The following SRPK1 variants were observed in gnomAD, a reference collection of about 807,000 sequenced individuals.
SRPK1 encodes SRSF protein kinase 1.
In SRPK1, 52 loss-of-function variants were observed where a neutral mutation model predicts 89.5. The ratio of observed to expected loss-of-function variants is 0.58; its 90% CI spans 0.46 to 0.73. The LOEUF is 0.73. Among genes scored for constraint, SRPK1 ranks in the 30% least tolerant of loss-of-function variants. SRPK1 has a pLI of 0.00. For synonymous variants in SRPK1, 255 were observed against 270.2 expected, an observed-to-expected ratio of 0.94 and a Z score of 0.55; for missense variants, 603 against 780.6, an observed-to-expected ratio of 0.77 and a Z score of 2.71.
chr6:35,861,377 C>T (rs575879299), intron 12 of SRPK1, among the ~76,000 whole-genome samples: 2 of 152,338 alleles, frequency 1.3e-5, no homozygotes, highest in South Asian at 2.1e-4. Context: ...AAACAGGGAA[C>T]CCACAGAGAA....
intron 6 of SRPK1, among the ~76,000 whole-genome samples, chr6:35,874,685 T>C (rs1770116506): frequency 6.6e-6 from 1 of 152,196 alleles, no homozygotes; most frequent in South Asian, 2.1e-4. Context: ...TTCAGGTAAA[T>C]TAGTTTCTTC....
rs1470363195 is a variant in SRPK1 at position 35,916,015 on chromosome 6, C to T, written c.74+4453G>A. 3.7e-4 allele frequency among the ~76,000 whole-genome samples: 34 copies of T among 92,200 alleles called. 1 individual carries two copies. Among genetic ancestry groups the T allele is most frequent in the East Asian group, 1.0e-3 (3 of 3,010 alleles). 60.5% of individuals were successfully genotyped at this position (92,200 alleles called of 152,430 possible). ...AAATATATACACACACACACACACA[C>T]ACACACACACACACACACACACACA... On this transcript the variant is annotated intron_variant, in intron 2 of 15. Transcript: ENST00000373825.
At chr6:35,891,078 T>C (rs1390883347) in intron 2 of SRPK1, 65 bp from the exon 3 acceptor site, 12 of 1,489,782 alleles carry the variant, frequency 8.1e-6, no homozygotes, top group Non-Finnish European at 9.8e-6. Flanking sequence ...TATCAAATGC[T>C]GCCCTCCCCA....
At chr6:35,843,264 A>G (rs9470130) in intron 13 of SRPK1, among the ~76,000 whole-genome samples, 47,518 of 150,548 alleles carry the variant, frequency 0.32, 7,694 homozygotes, top group South Asian at 0.42. Context: ...CACCACGCCC[A>G]GCCCAGGTCT....
intron 6 of SRPK1, among the ~76,000 whole-genome samples, chr6:35,881,448 T>C (rs1223127754): frequency 2.3e-5 from 2 of 88,544 alleles, no homozygotes; most frequent in African/African-American, 3.3e-5. Context: ...GATATAGATA[T>C]AGATATAGAT....
At chr6:35,920,849 C>T (rs1771221636) in intron 1 of SRPK1, 195 bp downstream of exon 1, 1 of 537,776 alleles carries the variant, frequency 1.9e-6, no homozygotes, top group South Asian at 3.0e-5. Flanking sequence ...CTACGGCCGG[C>T]GCCAGAGGAC....
At position 35,861,080 on chromosome 6, in the gene SRPK1, G is replaced by A. The variant is rs116130841; in HGVS notation, c.1513-3712C>T. On this transcript the variant is annotated intron_variant, in intron 12 of 15. Coordinates refer to ENST00000373825, the MANE Select transcript of SRPK1 (RefSeq NM_003137.5). ...ATTTAAAATGGCTGACTAGACACAGGTAGTATGTGCCTCATCCACAGAAAG... is the reference window on the plus strand; with the variant it reads ...ATTTAAAATGGCTGACTAGACACAGATAGTATGTGCCTCATCCACAGAAAG... Among the ~76,000 whole-genome samples, 1,064 of 152,250 alleles carry A rather than the reference G, an allele frequency of 7.0e-3. 10 individuals carry two copies. Among genetic ancestry groups the A allele is most frequent in the African/African-American group, 0.02 (832 of 41,544 alleles).
intron 2 of SRPK1, among the ~76,000 whole-genome samples, chr6:35,908,899 T>C (rs1227985679): frequency 2.6e-5 from 4 of 152,232 alleles, no homozygotes; most frequent in African/African-American, 9.6e-5. Flanking sequence ...GTGTTGGGCC[T>C]GCAGGTGCAC....
intron 5 of SRPK1, among the ~76,000 whole-genome samples, chr6:35,887,481 G>A (rs74370827): frequency 0.033 from 4,982 of 152,178 alleles, 98 homozygotes; most frequent in Middle Eastern, 0.065. Flanking sequence ...GGGTAAAGGC[G>A]ACCTAAACCC....
Position 35,860,800 on chromosome 6 carries a change from G to A in SRPK1, c.1513-3432C>T, listed in dbSNP as rs149593691. Among the ~76,000 whole-genome samples, 1,226 of 152,292 alleles carry A rather than the reference G, an allele frequency of 8.1e-3. 17 individuals carry two copies. The highest frequency in any genetic ancestry group is 0.028 in the African/African-American group (1,152 of 41,554). Reference sequence around the variant, plus strand: ...AGGAAGAGTGAGCAAATACCTGAGTGAATATGATAAAGGTATAAGTGTTTG... The same window carrying A: ...AGGAAGAGTGAGCAAATACCTGAGTAAATATGATAAAGGTATAAGTGTTTG... On this transcript the variant is annotated intron_variant, in intron 12 of 15. Coordinates refer to ENST00000373825, the MANE Select transcript of SRPK1 (RefSeq NM_003137.5).
chr6:35,916,368 T>C (rs116102478), intron 2 of SRPK1, among the ~76,000 whole-genome samples: 5,520 of 152,102 alleles, frequency 0.036, 100 homozygotes, highest in Middle Eastern at 0.065. Context: ...CTAAAAAAAA[T>C]AGTAAGGCTG....
intron 2 of SRPK1, among the ~76,000 whole-genome samples, chr6:35,906,897 G>A (rs1014871105): frequency 2.0e-5 from 3 of 152,114 alleles, no homozygotes; most frequent in African/African-American, 7.2e-5. Context: ...ATTATCAAAT[G>A]TTTATTGGTC....
At chr6:35,899,277 C>T (rs1194439605) in intron 2 of SRPK1, among the ~76,000 whole-genome samples, 2 of 152,142 alleles carry the variant, frequency 1.3e-5, no homozygotes, top group African/African-American at 4.8e-5. Context: ...TCTTCATTGC[C>T]CCCTCCAACC....
chr6:35,870,938 T>A lies in SRPK1; in HGVS notation c.773A>T (p.Lys258Ile). Residue 258 changes from lysine to isoleucine, a missense_variant, in exon 9 of 16, where the codon AAA becomes ATA. Coordinates refer to ENST00000373825, the MANE Select transcript of SRPK1 (RefSeq NM_003137.5). ...GSAVSTAPQP[K>I]PADKMSKNKK... ...ATAAAAACACCTTATACTTACTGGT[T>A]TAGGCTGGGGAGCAGTACTGACTGA... 6.2e-7 allele frequency: 1 copy of A among 1,608,426 alleles called. No homozygotes were observed. Among genetic ancestry groups the A allele is most frequent in the Non-Finnish European group, 8.5e-7 (1 of 1,176,556 alleles).
intron 2 of SRPK1, among the ~76,000 whole-genome samples, chr6:35,916,250 T>G (rs76895300): frequency 8.3e-6 from 1 of 120,578 alleles, no homozygotes; most frequent in Non-Finnish European, 2.0e-5. Context: ...ATAAATTAAT[T>G]AATTAATTAA....
intron 13 of SRPK1, among the ~76,000 whole-genome samples, chr6:35,848,534 G>A (rs772935585): frequency 7.9e-5 from 12 of 152,212 alleles, no homozygotes; most frequent in Non-Finnish European, 1.8e-4. Context: ...TCCAGCCTGA[G>A]TGACAGTATG....
intron 2 of SRPK1, among the ~76,000 whole-genome samples, chr6:35,906,367 G>GGCGT (rs1325247902): frequency 6.6e-6 from 1 of 152,114 alleles, no homozygotes; most frequent in Non-Finnish European, 1.5e-5. Context: ...TGGGATTACA[G>GGCGT]GCGTGCACCA....
intron 6 of SRPK1, among the ~76,000 whole-genome samples, chr6:35,876,763 A>G (rs2127250824): frequency 6.6e-6 from 1 of 152,318 alleles, no homozygotes; most frequent in Non-Finnish European, 1.5e-5. Context: ...ATACAAAAAC[A>G]ACAGAAGACT....
chr6:35,899,613 A>G (rs778770681), intron 2 of SRPK1, among the ~76,000 whole-genome samples: 1 of 152,226 alleles, frequency 6.6e-6, no homozygotes, highest in Non-Finnish European at 1.5e-5. Flanking sequence ...CAACAGAACT[A>G]GACTGTGAAG....
Sources: allele counts gnomAD v4.1 joint callset (sites outside exome capture counted in the v4.1 genomes callset), GRCh38; gene constraint gnomAD v4.1.1; transcripts MANE v1.5; gene names NCBI Gene and HGNC (gene_info 2026-07-23, HGNC 2026-07-21).